CDH15: variants seen among roughly 807,000 people sequenced by gnomAD.
The protein encoded by CDH15 is cadherin 15.
Under a neutral mutation model 69.4 loss-of-function variants are expected in CDH15, and 73 were observed. The ratio of observed to expected loss-of-function variants is 1.05; its 90% confidence interval spans 0.87 to 1.28. CDH15 has a LOEUF of 1.28. Among genes scored for constraint, CDH15 ranks in the 50% most tolerant of loss-of-function variants. The pLI, the probability that CDH15 is intolerant of heterozygous loss-of-function variation, is 0.00. For synonymous variants in CDH15, 624 were observed against 507.7 expected, an observed-to-expected ratio of 1.23 and a Z score of -3.08; for missense variants, 1,343 against 1,133.6, an observed-to-expected ratio of 1.18 and a Z score of -2.65.
In CDH15 at chr16:89,179,486, C is replaced by A. The variant is rs772114444; in HGVS notation, c.113C>A (p.Pro38His). The stretch of plus-strand genomic sequence containing the variant: ...ACCCTGTACCCCTGGCGCCGGGCGC[C>A]TGCCCTGAGCCGCGTGCGGAGGGCC... ...PTTLYPWRRAPALSRVRRAWV... is the reference protein window; with the variant it reads ...PTTLYPWRRAHALSRVRRAWV... The change falls in exon 2 of 14, where the codon CCT (proline) becomes CAT (histidine). Residue 38 changes from proline (P) to histidine (H), a missense_variant. By Grantham distance (77) the Pro-to-His change is moderately conservative. Transcript: ENST00000289746. 2 of 1,613,502 alleles carry A rather than the reference C, an allele frequency of 1.2e-6. No individual in the cohort carries two copies. The highest frequency in any genetic ancestry group is 1.7e-6 in the Non-Finnish European group (2 of 1,179,884).
chr16:89,191,915 C>T (rs747099159), intron 10 of CDH15, 21 bp downstream of exon 10: 116 of 1,531,748 alleles, frequency 7.6e-5, no homozygotes, highest in Non-Finnish European at 9.8e-5. Context: ...CTCACCGCCG[C>T]GCTCCCCCCA....
At chr16:89,191,528 C>A (rs1262126740) in intron 9 of CDH15, 56 bp downstream of exon 9, 5 of 1,602,816 alleles carry the variant, frequency 3.1e-6, no homozygotes, top group East Asian at 2.2e-5. Context: ...CGGCTGAGCA[C>A]CCCTGCCAGT....
chr16:89,180,416 CCTCCTCCCCACCAGGCTT>C lies in CDH15; in HGVS notation c.357+71_357+88del, dbSNP rs1219904814. 2.6e-6 allele frequency: 4 copies of C among 1,556,400 alleles called. No homozygotes were observed. The South Asian group carries it at 4.6e-5, about 18-fold the overall frequency. ...GCAGGCCTGGTGGAAAGCCAGTGCC[CCTCCTCCCCACCAGGCTT>C]CTCCTCCCCGCTCGGTGGGCTTCAG... On this transcript the variant is annotated intron_variant, in intron 3 of 13. Transcript: ENST00000289746.
At chr16:89,180,427 C>G in intron 3 of CDH15, 72 bp downstream of exon 3, 3 of 1,505,230 alleles carry the variant, frequency 2.0e-6, no homozygotes, top group Non-Finnish European at 2.7e-6. Context: ...CTCCTCCCCA[C>G]CAGGCTTCTC....
At chr16:89,180,442 C>G (rs1915351750) in intron 3 of CDH15, 87 bp downstream of exon 3, 1 of 1,439,720 alleles carries the variant, frequency 6.9e-7, no homozygotes, top group African/African-American at 1.4e-5. Flanking sequence ...CTTCTCCTCC[C>G]CGCTCGGTGG....
intron 3 of CDH15, among the ~76,000 whole-genome samples, chr16:89,180,949 TCCTGAGTGAGCCACCGCGCC>T (rs1249881934): frequency 1.4e-5 from 2 of 141,660 alleles, no homozygotes; most frequent in African/African-American, 5.3e-5. Flanking sequence ...GGTCTCGATC[TCCTGAGTGAGCCACCGCGCC>T]CGACCTTTTT....
In CDH15 at chr16:89,195,308, G is replaced by A; in HGVS notation, c.*153G>A. On this transcript the variant is annotated 3_prime_UTR_variant, in exon 14 of 14. Coordinates refer to ENST00000289746, the MANE Select transcript of CDH15 (RefSeq NM_004933.3). ...CCAAGTCTGGGGGCAGAACCTGAGT[G>A]TGGATGGGGCGGCCAGGAAGAGGCC... The A allele has an allele frequency of 2.5e-6, 2 of 789,378 alleles. No homozygotes were observed. The highest frequency in any genetic ancestry group is 3.9e-6 in the Non-Finnish European group (2 of 513,510). The allele number at this position is 789,378 out of a possible 1,614,324, so 48.9% of individuals were successfully genotyped here.
chr16:89,180,801 G>A (rs1282268180), intron 3 of CDH15, among the ~76,000 whole-genome samples: 7 of 152,000 alleles, frequency 4.6e-5, no homozygotes, highest in African/African-American at 1.7e-4. Context: ...TCGGCTCACT[G>A]CAAGCTCCGC....
Position 89,193,516 on chromosome 16 carries a change from T to G in CDH15, c.1902T>G (p.Ser634=), listed in dbSNP as rs1247564801. 1.2e-6 allele frequency: 2 copies of G among 1,611,872 alleles called. No individual in the cohort carries two copies. Among genetic ancestry groups the G allele is most frequent in the East Asian group, 4.5e-5 (2 of 44,788 alleles). ...VALRARFWKQ[S]RGKGLLHGPQ... is the part of the protein sequence containing the mutation. ...TCCGGGCGCGGTTCTGGAAGCAGTC[T>G]CGGGGCAAGGGGCTGCTGCACGGCC... The change falls in exon 12 of 14, where the codon TCT becomes TCG. Residue 634 remains serine (S), a synonymous_variant. Coordinates refer to ENST00000289746, the MANE Select transcript of CDH15 (RefSeq NM_004933.3).
rs1363235259 is a variant in CDH15 at position 89,185,101 on chromosome 16, C to T, written c.503-72C>T. 1.2e-5 allele frequency: 17 copies of T among 1,420,876 alleles called. No homozygotes were observed. The Admixed American group carries it at 3.3e-4, about 28-fold the overall frequency. 88.0% of individuals were successfully genotyped at this position (1,420,876 alleles called of 1,614,324 possible). A position where few individuals can be genotyped will look rare whatever the true frequency, so the allele number is the denominator to read the frequency against. ...GGAGCCTGTGCACACGAGGTGCCCC[C>T]ACGCCCCTCACAATGCCCCCAGCCC... On this transcript the variant is annotated intron_variant, in intron 4 of 13. Transcript: ENST00000289746.
intron 2 of CDH15, among the ~76,000 whole-genome samples, chr16:89,179,813 C>T (rs531469285): frequency 1.7e-3 from 254 of 152,344 alleles, no homozygotes; most frequent in Admixed American, 3.8e-3. Context: ...CCCACATGCG[C>T]CTCGGGTGGA....
chr16:89,195,226 G>C lies in CDH15; in HGVS notation c.*71G>C, dbSNP rs527272581. On this transcript the variant is annotated 3_prime_UTR_variant, in exon 14 of 14. Transcript: ENST00000289746. The stretch of plus-strand genomic sequence containing the variant: ...GATGGCCCCTGCAGAGGCAGCCTGA[G>C]GTCACCGGGCCCGACCCCCCTGGGC... The C allele has an allele frequency of 1.7e-5, 25 of 1,447,586 alleles. No individual in the cohort carries two copies. In the East Asian group the frequency reaches 2.2e-4, roughly 13 times the overall value. The allele number at this position is 1,447,586 out of a possible 1,614,324, so 89.7% of individuals were successfully genotyped here.
intron 5 of CDH15, 33 bp from the exon 6 acceptor site, chr16:89,187,396 C>G: frequency 6.2e-7 from 1 of 1,610,772 alleles, no homozygotes. Flanking sequence ...CACCTGGGCC[C>G]TCATCTTCTG....
intron 11 of CDH15, 28 bp from the exon 12 acceptor site, chr16:89,193,442 C>T: frequency 6.3e-7 from 1 of 1,581,794 alleles, no homozygotes; most frequent in Non-Finnish European, 8.6e-7. Context: ...CTGTGCCTGG[C>T]CCCAGCCTGC....
intron 3 of CDH15, among the ~76,000 whole-genome samples, chr16:89,180,823 A>C (rs1286536462): frequency 6.6e-6 from 1 of 151,910 alleles, no homozygotes; most frequent in African/African-American, 2.4e-5. Context: ...TCCCGGGTTC[A>C]CGCCATTCTC....
rs1747701205 is a variant in CDH15, at chr16:89,191,646, C to T, written c.1376-9C>T. On this transcript the variant is annotated splice_polypyrimidine_tract_variant and intron_variant, in intron 9 of 13. Coordinates refer to ENST00000289746, the MANE Select transcript of CDH15 (RefSeq NM_004933.3). ...TGGGGTCACTAAGCCGCGGCCTCCT[C>T]GCCTGCAGCCTCCCAGCCCCGCACC... 2 of 1,578,160 alleles carry T rather than the reference C, an allele frequency of 1.3e-6. No homozygotes were observed. Among genetic ancestry groups the T allele is most frequent in the African/African-American group, 1.3e-5 (1 of 74,400 alleles).
intron 7 of CDH15, among the ~76,000 whole-genome samples, chr16:89,189,185 ACACACAGATGC>A: frequency 7.0e-6 from 1 of 143,554 alleles, no homozygotes; most frequent in East Asian, 2.2e-4. Flanking sequence ...AGATGCCGGC[ACACACAGATGC>A]CCATACACAG....
At chr16:89,182,776 G>C (rs1915407281) in intron 3 of CDH15, 1 of 152,190 alleles carries the variant, frequency 6.6e-6, no homozygotes, top group African/African-American at 2.4e-5. Context: ...ACCAGTCCTT[G>C]TATCCCTTAC....
chr16:89,181,325 G>C (rs1404841138), intron 3 of CDH15, among the ~76,000 whole-genome samples: 1 of 152,180 alleles, frequency 6.6e-6, no homozygotes, highest in African/African-American at 2.4e-5. Flanking sequence ...TCAGAGAAGG[G>C]GCAGTGAGCG....
Sources: allele counts gnomAD v4.1 joint callset (sites outside exome capture counted in the v4.1 genomes callset), GRCh38; gene constraint gnomAD v4.1.1; transcripts MANE v1.5; gene names NCBI Gene and HGNC (gene_info 2026-07-23, HGNC 2026-07-21).